FMOD: variants seen among roughly 807,000 people sequenced by gnomAD.
The protein encoded by FMOD is KSPG fibromodulin.
In FMOD, 15 loss-of-function variants were observed where a neutral mutation model predicts 27.0. That is an observed-to-expected ratio of 0.55 (90% CI 0.37 to 0.85). The LOEUF is 0.85. FMOD is among the 40% of genes least tolerant of loss of function. The pLI is 0.00. For missense variants in FMOD, 460 were observed against 483.2 expected (o/e 0.95, Z 0.45); for synonymous variants, 210 against 214.0 (o/e 0.98, Z 0.16).
At position 203,345,897 on chromosome 1, in the gene FMOD, C is replaced by CAAA. The variant is rs58814042; in HGVS notation, c.979+1392_979+1394dup. ...TGGGTGACAGAGCGAGACTCTGTCT[C>CAAA]AAAAAAAAAAAAAAAGACGTCTTAG... is the stretch of plus-strand genomic sequence containing the variant. On this transcript the variant is annotated intron_variant, in intron 2 of 2. Coordinates refer to ENST00000354955, the MANE Select transcript of FMOD (RefSeq NM_002023.5). Among the ~76,000 whole-genome samples the CAAA allele has an allele frequency of 6.6e-3, 853 of 129,734 alleles. 15 individuals are homozygous for CAAA. Among genetic ancestry groups the CAAA allele is most frequent in the South Asian group, 9.7e-3 (38 of 3,910 alleles). The allele number at this position is 129,734 out of a possible 152,430, so 85.1% of individuals were successfully genotyped here.
In FMOD at chr1:203,348,036, C is replaced by T. The variant is rs774625135; in HGVS notation, c.235G>A (p.Glu79Lys). The T allele has an allele frequency of 6.2e-7, 1 of 1,611,748 alleles. No individual in the cohort carries two copies. Among genetic ancestry groups the T allele is most frequent in the Non-Finnish European group, 8.5e-7 (1 of 1,178,632 alleles). ...GGGAAGTTGGGTGGGCAGTCGCACT[C>T]CTGGGGGCAGTCGCGGGGATCTGGA... ...SPPDPRDCPQ[E>K]CDCPPNFPTA... Residue 79 changes from glutamate to lysine, a missense_variant, in exon 2 of 3, where the codon GAG becomes AAG. Glu to Lys is a moderately conservative substitution (Grantham distance 56, BLOSUM62 1). Transcript: ENST00000354955.
chr1:203,343,454 G>T (rs934177016), intron 2 of FMOD, among the ~76,000 whole-genome samples: 1 of 152,216 alleles, frequency 6.6e-6, no homozygotes, highest in Non-Finnish European at 1.5e-5. Context: ...TGAAAGCTGA[G>T]GAAGCCTCGT....
chr1:203,347,683 C>A lies in FMOD; in HGVS notation c.588G>T (p.Leu196=). The A allele has an allele frequency of 6.2e-7, 1 of 1,614,146 alleles. No individual in the cohort carries two copies. Among genetic ancestry groups the A allele is most frequent in the Non-Finnish European group, 8.5e-7 (1 of 1,180,036 alleles). The change falls in exon 2 of 3, where the codon CTG becomes CTT. Residue 196 remains leucine (L), a synonymous_variant. Coordinates refer to ENST00000354955, the MANE Select transcript of FMOD (RefSeq NM_002023.5). ...NQISRVPNNA[L]EGLENLTALY... ...AGGCCGTGAGGTTCTCCAGCCCCTC[C>A]AGAGCATTGTTGGGGACCCGTGAGA...
At chr1:203,345,705 T>C (rs1372490943) in intron 2 of FMOD, among the ~76,000 whole-genome samples, 1 of 152,166 alleles carries the variant, frequency 6.6e-6, no homozygotes, top group East Asian at 1.9e-4. Context: ...AAGACCGTCC[T>C]GGCTAACACG....
chr1:203,343,998 C>T (rs1370827517), intron 2 of FMOD, among the ~76,000 whole-genome samples: 2 of 152,126 alleles, frequency 1.3e-5, no homozygotes, highest in East Asian at 3.8e-4. Flanking sequence ...GTAGCGGAAA[C>T]TGGGAAATAC....
At chr1:203,350,133 A>AT (rs919229474) in intron 1 of FMOD, among the ~76,000 whole-genome samples, 2 of 152,200 alleles carry the variant, frequency 1.3e-5, no homozygotes, top group Non-Finnish European at 2.9e-5. Context: ...TTGGCAGACA[A>AT]GAGCCACCTT....
Position 203,347,573 on chromosome 1 carries a change from T to C in FMOD, c.698A>G (p.Asn233Ser). Residue 233 changes from asparagine (N) to serine (S), a missense_variant, in exon 2 of 3, where the codon AAC becomes AGC. Transcript: ENST00000354955. ...RSLILLDLSYNHLRKVPDGLP... is the reference protein window; with the variant it reads ...RSLILLDLSYSHLRKVPDGLP... The stretch of plus-strand genomic sequence containing the variant: ...CCCATCAGGCACCTTCCGAAGGTGG[T>C]TATAACTCAGGTCCAGCAAGATCAG... 1 of 1,614,120 alleles carries C rather than the reference T, an allele frequency of 6.2e-7. No homozygotes were observed. The highest frequency in any genetic ancestry group is 8.5e-7 in the Non-Finnish European group (1 of 1,180,040).
intron 2 of FMOD, 96 bp from the exon 3 acceptor site, chr1:203,342,590 A>G: frequency 7.7e-7 from 1 of 1,296,530 alleles, no homozygotes; most frequent in Non-Finnish European, 1.1e-6. Context: ...GCTTAGATAA[A>G]GGGGTGGAAG....
chr1:203,347,456 T>A lies in FMOD; in HGVS notation c.815A>T (p.Tyr272Phe), dbSNP rs761488097. 2 of 1,614,006 alleles carry A rather than the reference T, an allele frequency of 1.2e-6. No homozygotes were observed. The highest frequency in any genetic ancestry group is 1.7e-5 in the Admixed American group (1 of 59,988). Residue 272 changes from tyrosine (Y) to phenylalanine (F), a missense_variant, in exon 2 of 3, where the codon TAT becomes TTT. By Grantham distance (22) the Tyr-to-Phe change is conservative (BLOSUM62 3). Transcript: ENST00000354955. Reference protein sequence around the residue: ...SYFRGAPKLLYVRLSHNSLTN... With the variant: ...SYFRGAPKLLFVRLSHNSLTN... Reference sequence around the variant, plus strand: ...TAGACTGTTGTGGGACAGCCGCACATACAGCAGCTTGGGCGCCCCCCGGAA... The same window carrying A: ...TAGACTGTTGTGGGACAGCCGCACAAACAGCAGCTTGGGCGCCCCCCGGAA...
intron 2 of FMOD, 107 bp downstream of exon 2, chr1:203,347,185 T>C (rs1201104921): frequency 1.5e-6 from 2 of 1,375,552 alleles, no homozygotes; most frequent in African/African-American, 2.9e-5. Context: ...ATTTGTGCTG[T>C]CTGGTTCCCC....
In FMOD at chr1:203,347,306, C is replaced by T; in HGVS notation, c.965G>A (p.Gly322Asp). The T allele has an allele frequency of 6.2e-7, 1 of 1,611,412 alleles. No individual in the cohort carries two copies. The change falls in exon 2 of 3, where the codon GGC becomes GAC. Residue 322 changes from glycine to aspartate, a missense_variant. Gly to Asp is a moderately conservative substitution (Grantham distance 94, BLOSUM62 -1). Transcript: ENST00000354955. ...CAAGGTCTCACCATTGATCCTATTGCCTTGGAGGTAGAGGTTCTCCAGGTT... is the reference window on the plus strand; with the variant it reads ...CAAGGTCTCACCATTGATCCTATTGTCTTGGAGGTAGAGGTTCTCCAGGTT... ...NTNLENLYLQGNRINEFSISS... is the reference protein window; with the variant it reads ...NTNLENLYLQDNRINEFSISS...
At chr1:203,350,211 G>A (rs1658966775) in intron 1 of FMOD, among the ~76,000 whole-genome samples, 1 of 152,208 alleles carries the variant, frequency 6.6e-6, no homozygotes, top group Non-Finnish European at 1.5e-5. Context: ...AGAGCCATGG[G>A]TGCTGAAAGG....
At chr1:203,344,290 T>TAA (rs1387436993) in intron 2 of FMOD, among the ~76,000 whole-genome samples, 2 of 152,118 alleles carry the variant, frequency 1.3e-5, no homozygotes, top group East Asian at 3.8e-4. Context: ...GACTGCCTGC[T>TAA]AAAATTCCAG....
intron 2 of FMOD, among the ~76,000 whole-genome samples, chr1:203,343,654 T>A (rs1658838166): frequency 6.6e-6 from 1 of 152,166 alleles, no homozygotes; most frequent in African/African-American, 2.4e-5. Context: ...GAGGCATCCA[T>A]CGGCTTGCAG....
chr1:203,345,716 G>A (rs1162004309), intron 2 of FMOD, among the ~76,000 whole-genome samples: 1 of 152,146 alleles, frequency 6.6e-6, no homozygotes, highest in Non-Finnish European at 1.5e-5. Context: ...GGCTAACACG[G>A]TGAAACCCCG....
rs1279921755 is a variant in FMOD, at chr1:203,347,740, G to T, written c.531C>A (p.Ser177=). The T allele has an allele frequency of 6.2e-6, 10 of 1,613,800 alleles. No individual in the cohort carries two copies. Among genetic ancestry groups the T allele is most frequent in the African/African-American group, 1.3e-5 (1 of 74,902 alleles). Residue 177 remains serine (S), a synonymous_variant, in exon 2 of 3, where the codon TCC becomes TCA. Transcript: ENST00000354955. The part of the protein sequence containing the change: ...LTRMPGPLPR[S]LRELHLDHNQ... The stretch of plus-strand genomic sequence containing the variant: ...TGTGGTCGAGATGGAGCTCTCTCAG[G>T]GATCGAGGCAGGGGACCGGGCATCC...
chr1:203,341,358 A>G lies in FMOD; in HGVS notation c.*985T>C, dbSNP rs945051353. The G allele has an allele frequency of 6.6e-6, 1 of 152,230 alleles. No individual in the cohort carries two copies. The highest frequency in any genetic ancestry group is 2.4e-5 in the African/African-American group (1 of 41,464). The allele number at this position is 152,230 out of a possible 1,614,324, so 9.4% of individuals were successfully genotyped here. A position where few individuals can be genotyped will look rare whatever the true frequency, so the allele number is the denominator to read the frequency against. On this transcript the variant is annotated 3_prime_UTR_variant, in exon 3 of 3. Coordinates refer to ENST00000354955, the MANE Select transcript of FMOD (RefSeq NM_002023.5). ...AAGGAGAGGACAAACTGTGTTTCTC[A>G]TACTTTAAAAACCATGTGGCCGCTA...
At chr1:203,349,462 G>A (rs1247629177) in intron 1 of FMOD, among the ~76,000 whole-genome samples, 1 of 152,186 alleles carries the variant, frequency 6.6e-6, no homozygotes, top group Admixed American at 6.5e-5. Context: ...TCATCTGAGA[G>A]GGAAACTAAA....
intron 2 of FMOD, among the ~76,000 whole-genome samples, chr1:203,346,279 C>T (rs1455564867): frequency 5.3e-5 from 8 of 152,008 alleles, no homozygotes; most frequent in African/African-American, 1.9e-4. Context: ...TGCCAGTGGT[C>T]GTTAATGAGT....
Sources: gnomAD v4.1 joint callset for allele counts (sites outside exome capture counted in the v4.1 genomes callset) on GRCh38, gnomAD v4.1.1 for gene constraint, MANE v1.5 for transcripts, NCBI Gene and HGNC (gene_info 2026-07-23, HGNC 2026-07-21) for gene names.